Variants in TBP observed in about 807,000 individuals in gnomAD.
The protein encoded by TBP is TATA-box-binding protein.
TBP carries 12 observed loss-of-function variants against 46.2 expected under a neutral mutation model. The observed-to-expected ratio is 0.26, with a 90% CI of 0.17 to 0.42. TBP has a LOEUF of 0.42. Ranked by LOEUF, TBP falls within the 10% of genes least tolerant of loss-of-function variation. TBP has a pLI of 1.00. For synonymous variants in TBP, 157 were observed against 148.3 expected (o/e 1.06, Z -0.42); for missense variants, 229 against 403.1 (o/e 0.57, Z 3.70).
At chr6:170,562,264 A>T (rs1381763976) in intron 3 of TBP, 31 bp downstream of exon 3, 1 of 1,591,646 alleles carries the variant, frequency 6.3e-7, no homozygotes, top group African/African-American at 1.3e-5. Context: ...GTTTCCTCCC[A>T]CTTAGGAGTC....
At chr6:170,561,615 AAAG>A in intron 2 of TBP, among the ~76,000 whole-genome samples, 173 bp from the exon 3 acceptor site, 1 of 152,336 alleles carries the variant, frequency 6.6e-6, no homozygotes, top group East Asian at 1.9e-4. Flanking sequence ...GTGTGGTATT[AAAG>A]AAGAAAGCAA....
chr6:170,557,845 G>A lies in TBP; in HGVS notation c.54+762G>A, dbSNP rs577264316. ...AATTATATATAATGTATAAATTACA[G>A]AACATTTCAGTTACCTTAAAAAGTC... On this transcript the variant is annotated intron_variant, in intron 2 of 7. Transcript: ENST00000392092. Among the ~76,000 whole-genome samples, 4 of 148,022 alleles carry A rather than the reference G, an allele frequency of 2.7e-5. No individual in the cohort carries two copies. The East Asian group carries it at 6.0e-4, about 22-fold the overall frequency.
chr6:170,557,741 A>AAC (rs1226487265), intron 2 of TBP, among the ~76,000 whole-genome samples: 1 of 148,014 alleles, frequency 6.8e-6, no homozygotes, highest in Non-Finnish European at 1.5e-5. Flanking sequence ...GTCTCAAAAA[A>AAC]AAAAAAAAAA....
Position 170,562,245 on chromosome 6 carries a change from G to C in TBP, c.497+12G>C, listed in dbSNP as rs200023019. ...GTACCGCAGCTGCAGTGAGTACTTC[G>C]TGTTTTATGTTTCCTCCCACTTAGG... On this transcript the variant is annotated intron_variant, in intron 3 of 7. Coordinates refer to ENST00000392092, the MANE Select transcript of TBP (RefSeq NM_003194.5). 5 of 1,607,680 alleles carry C rather than the reference G, an allele frequency of 3.1e-6. No homozygotes were observed. The East Asian group carries it at 6.7e-5, about 22-fold the overall frequency.
At chr6:170,567,066 C>CCTG in intron 5 of TBP, 57 bp downstream of exon 5, 1 of 1,460,590 alleles carries the variant, frequency 6.8e-7, no homozygotes. Flanking sequence ...AAGGTGATAT[C>CCTG]TCATTGTTTT....
intron 1 of TBP, 180 bp downstream of exon 1, chr6:170,554,643 C>G (rs1422930857): frequency 6.6e-6 from 1 of 152,512 alleles, no homozygotes; most frequent in African/African-American, 2.4e-5. Flanking sequence ...CCACTCCCGC[C>G]TGGTGCCCTA....
intron 2 of TBP, among the ~76,000 whole-genome samples, chr6:170,557,425 A>G (rs1779049438): frequency 6.6e-6 from 1 of 152,112 alleles, no homozygotes; most frequent in African/African-American, 2.4e-5. Context: ...CAAGCTCTCA[A>G]CCACCCATCT....
chr6:170,564,656 CTT>C, intron 4 of TBP, 24 bp downstream of exon 4: 3 of 1,426,854 alleles, frequency 2.1e-6, no homozygotes, highest in East Asian at 2.5e-5. Flanking sequence ...TAATGTATTT[CTT>C]TTTTTTTTCT....
intron 3 of TBP, among the ~76,000 whole-genome samples, chr6:170,562,939 T>C (rs1378316778): frequency 6.6e-6 from 1 of 152,188 alleles, no homozygotes; most frequent in Non-Finnish European, 1.5e-5. Context: ...TCCTTCATAC[T>C]CCCTTTAGAT....
chr6:170,564,036 T>G (rs1009886197), intron 3 of TBP, among the ~76,000 whole-genome samples: 31 of 152,284 alleles, frequency 2.0e-4, no homozygotes, highest in Non-Finnish European at 4.0e-4. Context: ...GTTTTGCCTT[T>G]TTTTTTTGCT....
chr6:170,561,833 C>A lies in TBP; in HGVS notation c.97C>A (p.Pro33Thr). Reference protein sequence around the residue: ...PGIPIFSPMMPYGTGLTPQPI... With the variant: ...PGIPIFSPMMTYGTGLTPQPI... ...AATCCCTATCTTTAGTCCAATGATG[C>A]CTTATGGCACTGGACTGACCCCACA... Residue 33 changes from proline (P) to threonine (T), a missense_variant, in exon 3 of 8, where the codon CCT (proline) becomes ACT (threonine). Coordinates refer to ENST00000392092, the MANE Select transcript of TBP (RefSeq NM_003194.5). 1 of 1,613,756 alleles carries A rather than the reference C, an allele frequency of 6.2e-7. No homozygotes were observed. Among genetic ancestry groups the A allele is most frequent in the Non-Finnish European group, 8.5e-7 (1 of 1,179,720 alleles).
At chr6:170,567,062 A>G (rs1779266881) in intron 5 of TBP, 53 bp downstream of exon 5, 12 of 1,481,560 alleles carry the variant, frequency 8.1e-6, no homozygotes, top group Non-Finnish European at 1.1e-5. Context: ...TGAAAAGGTG[A>G]TATCTCATTG....
intron 3 of TBP, 103 bp from the exon 4 acceptor site, chr6:170,564,442 A>G: frequency 1.3e-6 from 1 of 743,182 alleles, no homozygotes. Context: ...AAAAAAAGTA[A>G]AGCCTGGTTG....
At position 170,572,367 on chromosome 6, in the gene TBP, G is replaced by T. The variant is rs902524565; in HGVS notation, c.*102G>T. The stretch of plus-strand genomic sequence containing the variant: ...TAAATGGTGGTGTTGTGAGAAGATG[G>T]ATGTTGAGTTGCAGGGTGTGGCACC... On this transcript the variant is annotated 3_prime_UTR_variant, in exon 8 of 8. Coordinates refer to ENST00000392092, the MANE Select transcript of TBP (RefSeq NM_003194.5). The T allele has an allele frequency of 3.1e-6, 3 of 983,196 alleles. No individual in the cohort carries two copies. Among genetic ancestry groups the T allele is most frequent in the Non-Finnish European group, 4.7e-6 (3 of 642,014 alleles). The allele number at this position is 983,196 out of a possible 1,614,324, so 60.9% of individuals were successfully genotyped here.
At chr6:170,557,287 A>C in intron 2 of TBP, among the ~76,000 whole-genome samples, 1 of 152,046 alleles carries the variant, frequency 6.6e-6, no homozygotes, top group East Asian at 1.9e-4. Context: ...TAAGTTATAT[A>C]TTTATGAAAC....
In TBP at chr6:170,562,186, TCCTG is replaced by T; in HGVS notation, c.453_456del (p.Ala152ArgfsTer20). 1 of 1,613,948 alleles carries T rather than the reference TCCTG, an allele frequency of 6.2e-7. No individual in the cohort carries two copies. Among genetic ancestry groups the T allele is most frequent in the Non-Finnish European group, 8.5e-7 (1 of 1,179,964 alleles). On this transcript the variant is annotated frameshift_variant, in exon 3 of 8. Transcript: ENST00000392092. LOFTEE classifies it high-confidence loss of function. Reference sequence around the variant, plus strand: ...CCATGACTCCCATGACCCCCATCACTCCTGCCACGCCAGCTTCGGAGAGTTCTGG... The same window carrying T: ...CCATGACTCCCATGACCCCCATCACTCCACGCCAGCTTCGGAGAGTTCTGG...
At chr6:170,560,411 G>A (rs1163323847) in intron 2 of TBP, among the ~76,000 whole-genome samples, 5 of 152,246 alleles carry the variant, frequency 3.3e-5, no homozygotes, top group East Asian at 1.9e-4. Context: ...AGGCTGAGGC[G>A]GGAGGGTCAC....
Position 170,572,170 on chromosome 6 carries a change from C to T in TBP, c.941-16C>T, listed in dbSNP as rs776345097. On this transcript the variant is annotated splice_polypyrimidine_tract_variant and intron_variant, in intron 7 of 7. Transcript: ENST00000392092. ...CCATTTCAGTCTCTCATCTCTACTC[C>T]AACTTGTCTTCTTAGGTGCTAAAGT... 1 of 1,606,082 alleles carries T rather than the reference C, an allele frequency of 6.2e-7. No individual in the cohort carries two copies. Among genetic ancestry groups the T allele is most frequent in the East Asian group, 2.2e-5 (1 of 44,804 alleles).
intron 1 of TBP, among the ~76,000 whole-genome samples, chr6:170,554,928 A>C (rs995245869): frequency 1.3e-5 from 2 of 151,636 alleles, no homozygotes; most frequent in Admixed American, 1.3e-4. Flanking sequence ...AATACACACC[A>C]CTTTATTTGC....
Sources: allele counts gnomAD v4.1 joint callset (sites outside exome capture counted in the v4.1 genomes callset), GRCh38; gene constraint gnomAD v4.1.1; transcripts MANE v1.5; gene names NCBI Gene and HGNC (gene_info 2026-07-23, HGNC 2026-07-21).